The following GPC5 variants were observed in gnomAD, a reference collection of about 807,000 sequenced individuals.
GPC5 encodes glypican 5, also known as glypican-5.
Under a neutral mutation model 53.9 loss-of-function variants are expected in GPC5, and 47 were observed. That is an observed-to-expected ratio of 0.87 (90% CI 0.69 to 1.11). The LOEUF is 1.11. Among genes scored for constraint, GPC5 ranks in the 50% most tolerant of loss-of-function variants. GPC5 has a pLI of 0.00. For missense variants in GPC5, 748 were observed against 713.1 expected (o/e 1.05, Z -0.56); for synonymous variants, 286 against 263.3 (o/e 1.09, Z -0.84).
At chr13:92,266,641 T>C (rs2042804249) in intron 7 of GPC5, among the ~76,000 whole-genome samples, 2 of 151,824 alleles carry the variant, frequency 1.3e-5, no homozygotes, top group African/African-American at 4.8e-5. Context: ...AAGGGAGAGA[T>C]TGGGTGGAAT....
intron 7 of GPC5, among the ~76,000 whole-genome samples, chr13:92,520,801 AAATAAAGGG>A (rs1251785701): frequency 1.3e-5 from 2 of 152,094 alleles, no homozygotes; most frequent in Non-Finnish European, 2.9e-5. Context: ...CAGGACAAAG[AAATAAAGGG>A]TATTCAATTA....
intron 5 of GPC5, among the ~76,000 whole-genome samples, chr13:91,786,034 TC>T (rs1303923647): frequency 1.3e-5 from 2 of 152,196 alleles, no homozygotes; most frequent in Non-Finnish European, 2.9e-5. Context: ...TCTCGCTCTG[TC>T]ACCCAGGCTG....
At chr13:92,723,441 T>C (rs371827021) in intron 7 of GPC5, among the ~76,000 whole-genome samples, 1 of 75,730 alleles carries the variant, frequency 1.3e-5, no homozygotes, top group East Asian at 6.7e-4. Context: ...TTCACCATTA[T>C]TACAGCCATA....
chr13:92,118,084 T>G (rs75558945), intron 6 of GPC5, among the ~76,000 whole-genome samples: 3,587 of 152,244 alleles, frequency 0.024, 66 homozygotes, highest in Admixed American at 0.035. Flanking sequence ...GTTTTGGTTT[T>G]TTTGTTTGTT....
chr13:92,583,158 C>A (rs566842278), intron 7 of GPC5, among the ~76,000 whole-genome samples: 1 of 152,252 alleles, frequency 6.6e-6, no homozygotes, highest in South Asian at 2.1e-4. Context: ...AAGGTACATT[C>A]ATCCTGTTCC....
At chr13:92,003,817 G>C (rs368237291) in intron 6 of GPC5, among the ~76,000 whole-genome samples, 11 of 152,214 alleles carry the variant, frequency 7.2e-5, no homozygotes, top group African/African-American at 2.6e-4. Context: ...GATCCATATT[G>C]ATGAAATGTT....
intron 6 of GPC5, among the ~76,000 whole-genome samples, chr13:92,062,205 C>T (rs1571066): frequency 0.56 from 84,847 of 151,496 alleles, 24,179 homozygotes; most frequent in East Asian, 0.79. Context: ...TTGTTATTAG[C>T]TAATAACTAC....
At chr13:92,177,993 T>G (rs1168209135) in intron 7 of GPC5, among the ~76,000 whole-genome samples, 1 of 152,194 alleles carries the variant, frequency 6.6e-6, no homozygotes, top group East Asian at 1.9e-4. Context: ...AAACCACCAA[T>G]AAACATTTCT....
intron 6 of GPC5, among the ~76,000 whole-genome samples, chr13:91,920,465 G>T (rs1215701468): frequency 6.6e-6 from 1 of 152,108 alleles, no homozygotes; most frequent in Non-Finnish European, 1.5e-5. Context: ...CTAATAAAGA[G>T]AATGAATTTA....
intron 7 of GPC5, among the ~76,000 whole-genome samples, chr13:92,480,762 A>G (rs61973640): frequency 4.6e-5 from 1 of 21,846 alleles, no homozygotes; most frequent in Non-Finnish European, 9.9e-5. Flanking sequence ...CAACAAATCA[A>G]TCTACAGATG....
intron 6 of GPC5, among the ~76,000 whole-genome samples, chr13:91,924,135 C>G (rs932882370): frequency 2.6e-5 from 4 of 152,090 alleles, no homozygotes; most frequent in Non-Finnish European, 4.4e-5. Context: ...TTGATGTGCA[C>G]TCTTTACATA....
chr13:91,573,020 C>G (rs1172058154), intron 2 of GPC5, among the ~76,000 whole-genome samples: 1 of 152,120 alleles, frequency 6.6e-6, no homozygotes, highest in Non-Finnish European at 1.5e-5. Flanking sequence ...AACATTCTGG[C>G]AATACTGAGA....
intron 5 of GPC5, among the ~76,000 whole-genome samples, chr13:91,758,761 A>G (rs1393562600): frequency 6.6e-6 from 1 of 152,116 alleles, no homozygotes; most frequent in Non-Finnish European, 1.5e-5. Flanking sequence ...CTGTACCACC[A>G]CAGACTCCTG....
intron 7 of GPC5, among the ~76,000 whole-genome samples, chr13:92,304,216 T>A (rs2043095002): frequency 6.6e-6 from 1 of 151,764 alleles, no homozygotes; most frequent in Admixed American, 6.6e-5. Context: ...TTTTTTTTTT[T>A]CTTTTTTAGA....
At chr13:92,584,149 A>G (rs1883460901) in intron 7 of GPC5, among the ~76,000 whole-genome samples, 1 of 152,230 alleles carries the variant, frequency 6.6e-6, no homozygotes, top group Non-Finnish European at 1.5e-5. Context: ...TATGGAAGCA[A>G]CTTTGGAACT....
chr13:92,582,682 GT>G (rs1312471960), intron 7 of GPC5, among the ~76,000 whole-genome samples: 4 of 151,972 alleles, frequency 2.6e-5, no homozygotes, highest in Non-Finnish European at 4.4e-5. Context: ...TTTCATCAAT[GT>G]TTTGTACTTT....
chr13:92,611,191 T>C (rs1884423730), intron 7 of GPC5, among the ~76,000 whole-genome samples: 1 of 152,158 alleles, frequency 6.6e-6, no homozygotes, highest in South Asian at 2.1e-4. Context: ...ATAAACCAGG[T>C]ATATTTAAAA....
At chr13:91,928,066 A>G (rs1255568428) in intron 6 of GPC5, among the ~76,000 whole-genome samples, 4 of 152,214 alleles carry the variant, frequency 2.6e-5, no homozygotes, top group Non-Finnish European at 5.9e-5. Context: ...ACACATATCC[A>G]CATATTCTCC....
intron 7 of GPC5, among the ~76,000 whole-genome samples, chr13:92,745,212 A>C (rs927351503): frequency 6.6e-6 from 1 of 152,044 alleles, no homozygotes; most frequent in African/African-American, 2.4e-5. Context: ...TATAAACACA[A>C]TTTGGGTCTT....
Sources: gnomAD v4.1 joint callset for allele counts (sites outside exome capture counted in the v4.1 genomes callset) on GRCh38, gnomAD v4.1.1 for gene constraint, MANE v1.5 for transcripts, NCBI Gene and HGNC (gene_info 2026-07-23, HGNC 2026-07-21) for gene names.